Variants in NDRG4 observed in about 807,000 individuals in gnomAD.
NDRG4 encodes protein NDRG4.
Under a neutral mutation model 55.8 loss-of-function variants are expected in NDRG4, and 38 were observed. The observed-to-expected ratio is 0.68, with a 90% CI of 0.53 to 0.89. The LOEUF is 0.89. Ranked by LOEUF, NDRG4 falls within the 40% of genes least tolerant of loss-of-function variation. The pLI is 0.00. For synonymous variants in NDRG4, 190 were observed against 182.7 expected (o/e 1.04, Z -0.32); for missense variants, 455 against 468.6 (o/e 0.97, Z 0.27).
chr16:58,467,914 C>T (rs2032017388), intron 1 of NDRG4, among the ~76,000 whole-genome samples: 1 of 152,208 alleles, frequency 6.6e-6, no homozygotes, highest in African/African-American at 2.4e-5. Context: ...CCTTCTCCTC[C>T]CACTGTGCTC....
At chr16:58,507,714 C>T in intron 8 of NDRG4, 94 bp from the exon 9 acceptor site, 2 of 1,256,820 alleles carry the variant, frequency 1.6e-6, no homozygotes, top group Non-Finnish European at 1.1e-6. Context: ...TCCACGCCTC[C>T]CTGCTTTACC....
At chr16:58,496,016 G>T (rs2036363678), upstream of NDRG4, among the ~76,000 whole-genome samples, 2 of 152,142 alleles carry the variant, frequency 1.3e-5, no homozygotes, top group African/African-American at 4.8e-5. Context: ...CCTCCATGCT[G>T]CAAATGAGGA....
intron 2 of NDRG4, among the ~76,000 whole-genome samples, chr16:58,493,267 T>G (rs2036004457): frequency 6.6e-6 from 1 of 151,596 alleles, no homozygotes; most frequent in African/African-American, 2.4e-5. Context: ...TGGTTTGTTT[T>G]TGTTTGTTTG....
upstream of NDRG4, chr16:58,497,001 C>T (rs2036487649): frequency 6.6e-6 from 1 of 152,134 alleles, no homozygotes; most frequent in Non-Finnish European, 1.5e-5. Context: ...ATTCGTGAAG[C>T]CTTCCATACT....
intron 1 of NDRG4, among the ~76,000 whole-genome samples, chr16:58,465,547 T>A (rs1297535991): frequency 4.2e-5 from 5 of 117,798 alleles, no homozygotes; most frequent in African/African-American, 1.3e-4. Flanking sequence ...TGCGTGTGTG[T>A]TGCGGGGGAG....
chr16:58,501,744 C>T (rs2037144805), intron 1 of NDRG4: 1 of 318,082 alleles, frequency 3.1e-6, no homozygotes, highest in Admixed American at 3.9e-5. Flanking sequence ...CCTAGTAGAG[C>T]CTGATCACGT....
Position 58,512,114 on chromosome 16 carries a change from GCT to G in NDRG4, c.*543_*544del. ...CGGACCAGGCAGCCACTTTCCTGGTGCTCTCTGGGCCCAGCTGGTGCTGTAGG... is the reference window on the plus strand; with the variant it reads ...CGGACCAGGCAGCCACTTTCCTGGTGCTCTGGGCCCAGCTGGTGCTGTAGG... On this transcript the variant is annotated 3_prime_UTR_variant, in exon 15 of 15. Coordinates refer to ENST00000570248, the MANE Select transcript of NDRG4 (RefSeq NM_001242835.2). 1 of 456,678 alleles carries G rather than the reference GCT, an allele frequency of 2.2e-6. No homozygotes were observed. Among genetic ancestry groups the G allele is most frequent in the East Asian group, 6.9e-5 (1 of 14,396 alleles). The allele number at this position is 456,678 out of a possible 1,614,324, so 28.3% of individuals were successfully genotyped here. A position where few individuals can be genotyped will look rare whatever the true frequency, so the allele number is the denominator to read the frequency against.
Position 58,464,931 on chromosome 16 carries a change from AGTGG to A in NDRG4, c.-24+1136_-24+1139del, listed in dbSNP as rs2031275270. 1 of 1,173,670 alleles carries A rather than the reference AGTGG, an allele frequency of 8.5e-7. No homozygotes were observed. Among genetic ancestry groups the A allele is most frequent in the African/African-American group, 1.6e-5 (1 of 61,776 alleles). The allele number at this position is 1,173,670 out of a possible 1,614,324, so 72.7% of individuals were successfully genotyped here. On this transcript the variant is annotated intron_variant, in intron 1 of 15. Coordinates refer to the NDRG4 transcript ENST00000258187. This position sits in a 1 kb window ranked among gnomAD's most constrained non-coding sequence, Gnocchi z 4.8. ...GGAGGCGACGCCAAGTGGCCTGGGA[AGTGG>A]GAAGCCAGATTGGACCCTACTGACT... is the stretch of plus-strand genomic sequence containing the variant.
intron 2 of NDRG4, among the ~76,000 whole-genome samples, chr16:58,488,363 G>A (rs557834993): frequency 6.5e-4 from 99 of 152,332 alleles, no homozygotes; most frequent in Non-Finnish European, 1.1e-3. Flanking sequence ...AGACCCCTCC[G>A]TCAAGGGACA....
chr16:58,486,343 A>G (rs2035072090), intron 1 of NDRG4, among the ~76,000 whole-genome samples: 1 of 151,618 alleles, frequency 6.6e-6, no homozygotes, highest in African/African-American at 2.4e-5. Flanking sequence ...TTTTTTTCGT[A>G]GAGATGGGGC....
chr16:58,494,624 C>T (rs2036183589), intron 2 of NDRG4, among the ~76,000 whole-genome samples: 2 of 152,116 alleles, frequency 1.3e-5, no homozygotes, highest in Admixed American at 6.5e-5. Flanking sequence ...TACTTGGTAG[C>T]CAATGCCTGG....
At chr16:58,468,260 T>C (rs972434427) in intron 1 of NDRG4, among the ~76,000 whole-genome samples, 3 of 152,218 alleles carry the variant, frequency 2.0e-5, no homozygotes, top group African/African-American at 2.4e-5. Flanking sequence ...CGAGGCCATT[T>C]CCAGGCGCCT....
upstream of NDRG4, among the ~76,000 whole-genome samples, chr16:58,496,371 G>A (rs1245399539): frequency 2.0e-5 from 3 of 152,078 alleles, no homozygotes; most frequent in Non-Finnish European, 4.4e-5. Flanking sequence ...TGCATTAAAA[G>A]GCACCTTCCT....
intron 2 of NDRG4, among the ~76,000 whole-genome samples, chr16:58,494,264 C>G (rs1032200163): frequency 1.2e-4 from 19 of 152,182 alleles, no homozygotes; most frequent in Non-Finnish European, 1.9e-4. Flanking sequence ...ACAAAGCGAC[C>G]AGGTCTGGAG....
intron 1 of NDRG4, among the ~76,000 whole-genome samples, chr16:58,468,211 G>T (rs1487328011): frequency 6.6e-6 from 1 of 152,200 alleles, no homozygotes; most frequent in Non-Finnish European, 1.5e-5. Flanking sequence ...GGAGGCTGTT[G>T]GGGTCCTTCT....
chr16:58,502,352 GGT>G, intron 1 of NDRG4, among the ~76,000 whole-genome samples: 1 of 152,214 alleles, frequency 6.6e-6, no homozygotes, highest in Non-Finnish European at 1.5e-5. Context: ...TCATCCCCTG[GGT>G]GGTGCAATCA....
intron 14 of NDRG4, 117 bp from the exon 15 acceptor site, chr16:58,511,305 G>C (rs563700514): frequency 8.4e-7 from 1 of 1,190,248 alleles, no homozygotes; most frequent in East Asian, 2.4e-5. Context: ...CTCAGGAGGA[G>C]CCCTTTGTGC....
intron 1 of NDRG4, among the ~76,000 whole-genome samples, chr16:58,474,096 G>T (rs2151588177): frequency 7.1e-6 from 1 of 140,308 alleles, no homozygotes; most frequent in Non-Finnish European, 1.5e-5. Flanking sequence ...GAGTCCAGTG[G>T]CGTAATCTCA....
At chr16:58,468,588 G>T (rs561777701) in intron 1 of NDRG4, among the ~76,000 whole-genome samples, 1 of 152,182 alleles carries the variant, frequency 6.6e-6, no homozygotes, top group African/African-American at 2.4e-5. Context: ...GGGCTTGGTG[G>T]TGTGTGCCTG....
Sources: allele counts gnomAD v4.1 joint callset (sites outside exome capture counted in the v4.1 genomes callset), GRCh38; gene constraint gnomAD v4.1.1; non-coding constraint Gnocchi (gnomAD v3.1); transcripts MANE v1.5; gene names NCBI Gene and HGNC (gene_info 2026-07-23, HGNC 2026-07-21).